Variants in PINX1 observed in about 807,000 individuals in gnomAD.
PINX1 encodes the protein PIN2 (TERF1) interacting telomerase inhibitor 1.
In PINX1, 34 loss-of-function variants were observed where a neutral mutation model predicts 25.4. The ratio of observed to expected loss-of-function variants is 1.34; its 90% CI spans 1.02 to 1.78. The LOEUF is 1.78. PINX1 is among the 40% of genes most tolerant of loss of function. The pLI is 0.00. For synonymous variants in PINX1, 197 were observed against 147.7 expected, an observed-to-expected ratio of 1.33 and a Z score of -2.42; for missense variants, 592 against 404.9, an observed-to-expected ratio of 1.46 and a Z score of -3.97.
chr8:10,828,219 T>C (rs565327519), intron 4 of PINX1, among the ~76,000 whole-genome samples: 2 of 152,218 alleles, frequency 1.3e-5, no homozygotes, highest in African/African-American at 4.8e-5. Context: ...AGGGACACCT[T>C]GGATTTTTTG....
intron 2 of PINX1, 30 bp from the exon 3 acceptor site, chr8:10,833,014 C>CT: frequency 7.2e-7 from 1 of 1,387,588 alleles, no homozygotes; most frequent in Non-Finnish European, 1.0e-6. Context: ...AGAGTTAGAA[C>CT]ATTCCTCTCA....
At chr8:10,799,882 C>A (rs1194271683) in intron 6 of PINX1, among the ~76,000 whole-genome samples, 1 of 152,206 alleles carries the variant, frequency 6.6e-6, no homozygotes, top group Non-Finnish European at 1.5e-5. Flanking sequence ...GAATAGGGAA[C>A]ATGTTCTCAA....
At position 10,765,734 on chromosome 8, in the gene PINX1, C is replaced by G. The variant is rs78683604; in HGVS notation, c.654G>C (p.Glu218Asp). Reference sequence around the variant, plus strand: ...AACTTTCCACATCTTTACCTGTGGCCTCTTTATTTCTTTTCTTCCCCCTTT... The same window carrying G: ...AACTTTCCACATCTTTACCTGTGGCGTCTTTATTTCTTTTCTTCCCCCTTT... ...ERKRGKKRNK[E>D]ATGKDVESYL... The change falls in exon 7 of 7, where the codon GAG (glutamate) becomes GAC (aspartate). Residue 218 changes from glutamate to aspartate, a missense_variant. Physicochemically the swap from Glu to Asp is conservative, Grantham distance 45 (BLOSUM62 2). Transcript: ENST00000314787. 15 of 1,613,912 alleles carry G rather than the reference C, an allele frequency of 9.3e-6. No homozygotes were observed. The highest frequency in any genetic ancestry group is 1.6e-4 in the Middle Eastern group (1 of 6,084).
chr8:10,838,836 C>T (rs768490802), intron 1 of PINX1, among the ~76,000 whole-genome samples: 5 of 152,192 alleles, frequency 3.3e-5, no homozygotes, highest in Non-Finnish European at 7.3e-5. Context: ...TTCCTTTGAA[C>T]GTCAATTTCT....
At chr8:10,781,206 G>C (rs1035454976) in intron 6 of PINX1, among the ~76,000 whole-genome samples, 1 of 152,058 alleles carries the variant, frequency 6.6e-6, no homozygotes, top group Non-Finnish European at 1.5e-5. Flanking sequence ...AACTCAAAAT[G>C]GATTAAAGAC....
At chr8:10,831,612 A>G in intron 4 of PINX1, 53 bp downstream of exon 4, 1 of 1,143,858 alleles carries the variant, frequency 8.7e-7, no homozygotes, top group Non-Finnish European at 1.3e-6. Context: ...GCAAAAAACA[A>G]AAAGTAGATA....
At chr8:10,796,136 T>C (rs781064404) in intron 6 of PINX1, among the ~76,000 whole-genome samples, 1 of 152,110 alleles carries the variant, frequency 6.6e-6, no homozygotes, top group Non-Finnish European at 1.5e-5. Context: ...GCGCAGATAA[T>C]GACTTAGAAG....
intron 6 of PINX1, among the ~76,000 whole-genome samples, chr8:10,819,031 C>T (rs1036239049): frequency 3.3e-5 from 5 of 152,194 alleles, no homozygotes; most frequent in African/African-American, 1.2e-4. Context: ...CCGGCACGGC[C>T]GGATGTCAGA....
chr8:10,814,751 TC>T (rs1797644896), intron 6 of PINX1, among the ~76,000 whole-genome samples: 1 of 152,100 alleles, frequency 6.6e-6, no homozygotes, highest in South Asian at 2.1e-4. Context: ...GGCAACAAAG[TC>T]CATTTTTTAA....
Position 10,765,009 on chromosome 8 carries a change from C to G in PINX1, c.*392G>C, listed in dbSNP as rs995415416. The G allele has an allele frequency of 5.8e-6, 1 of 173,130 alleles. No individual in the cohort carries two copies. Among genetic ancestry groups the G allele is most frequent in the East Asian group, 1.6e-4 (1 of 6,186 alleles). The allele number at this position is 173,130 out of a possible 1,614,324, so 10.7% of individuals were successfully genotyped here. The stretch of plus-strand genomic sequence containing the variant: ...AGGCTGAGTCTTTCAGAAGAAAGCA[C>G]CATTCATTGTTATTGAAGGGAACCG... On this transcript the variant is annotated 3_prime_UTR_variant, in exon 7 of 7. Coordinates refer to ENST00000314787, the MANE Select transcript of PINX1 (RefSeq NM_017884.6).
chr8:10,820,670 G>C (rs558278474), intron 5 of PINX1, among the ~76,000 whole-genome samples: 1 of 151,926 alleles, frequency 6.6e-6, no homozygotes, highest in East Asian at 1.9e-4. Context: ...AGAAGATTAC[G>C]AAATACACAT....
At chr8:10,805,730 C>T (rs74367837) in intron 6 of PINX1, among the ~76,000 whole-genome samples, 14 of 58,650 alleles carry the variant, frequency 2.4e-4, no homozygotes, top group African/African-American at 2.9e-4. Flanking sequence ...GCCACACTAG[C>T]GCTGAGTGGG....
chr8:10,808,891 AAAAGG>A (rs1333923007), intron 6 of PINX1, among the ~76,000 whole-genome samples: 1 of 152,236 alleles, frequency 6.6e-6, no homozygotes, highest in Non-Finnish European at 1.5e-5. Flanking sequence ...AGAGCAGCAG[AAAAGG>A]AAAAGTTGGA....
At chr8:10,835,747 A>G (rs1798386889) in intron 1 of PINX1, among the ~76,000 whole-genome samples, 1 of 152,234 alleles carries the variant, frequency 6.6e-6, no homozygotes, top group African/African-American at 2.4e-5. Context: ...GAATGGAATA[A>G]ACGATAAAAA....
intron 4 of PINX1, among the ~76,000 whole-genome samples, chr8:10,827,650 T>TA (rs1479559072): frequency 1.3e-5 from 2 of 151,804 alleles, no homozygotes; most frequent in Non-Finnish European, 2.9e-5. Context: ...CTCATGCCTG[T>TA]AATCCCAGCA....
chr8:10,765,536 A>C lies in PINX1; in HGVS notation c.852T>G (p.Pro284=). ...AQDAGDHVQP[P]EGRDFTLKPK... ...GCTTCAGGGTGAAGTCCCGGCCCTC[A>C]GGCGGCTGCACATGGTCCCCTGCAT... is the stretch of plus-strand genomic sequence containing the variant. Residue 284 remains proline (P), a synonymous_variant, in exon 7 of 7, where the codon CCT becomes CCG. Transcript: ENST00000314787. The C allele has an allele frequency of 1.2e-6, 2 of 1,613,668 alleles. No individual in the cohort carries two copies. Among genetic ancestry groups the C allele is most frequent in the African/African-American group, 1.3e-5 (1 of 75,054 alleles).
At chr8:10,814,306 C>A (rs1386237181) in intron 6 of PINX1, among the ~76,000 whole-genome samples, 1 of 152,236 alleles carries the variant, frequency 6.6e-6, no homozygotes, top group African/African-American at 2.4e-5. Flanking sequence ...TCGTGATGAT[C>A]TTTCACCATT....
At chr8:10,819,902 T>C (rs1797813118) in intron 6 of PINX1, among the ~76,000 whole-genome samples, 1 of 151,894 alleles carries the variant, frequency 6.6e-6, no homozygotes, top group South Asian at 2.1e-4. Flanking sequence ...CCTCTGATTG[T>C]ATCGGCAATG....
chr8:10,780,347 T>C (rs1434838560), intron 6 of PINX1, among the ~76,000 whole-genome samples: 1 of 152,200 alleles, frequency 6.6e-6, no homozygotes, highest in Admixed American at 6.5e-5. Context: ...ACACTAACTA[T>C]GGGTTTTTCA....
Sources: gnomAD v4.1 joint callset for allele counts (sites outside exome capture counted in the v4.1 genomes callset) on GRCh38, gnomAD v4.1.1 for gene constraint, MANE v1.5 for transcripts, NCBI Gene and HGNC (gene_info 2026-07-23, HGNC 2026-07-21) for gene names.